Variants in COCH observed in about 807,000 individuals in gnomAD.
COCH encodes coagulation factor C homolog, cochlin (Limulus polyphemus).
A neutral mutation model predicts 54.8 loss-of-function variants in COCH; 40 were observed. The observed-to-expected ratio is 0.73, with a 90% CI of 0.57 to 0.95. The LOEUF (loss-of-function observed/expected upper bound fraction) is 0.95. Among genes scored for constraint, COCH ranks in the 40% least tolerant of loss-of-function variants. COCH has a pLI of 0.00. For missense variants in COCH, 605 were observed against 675.0 expected (o/e 0.90, Z 1.15); for synonymous variants, 256 against 237.9 (o/e 1.08, Z -0.70).
At chr14:30,893,436 G>A (rs1011626791), downstream of COCH, among the ~76,000 whole-genome samples, 1 of 152,090 alleles carries the variant, frequency 6.6e-6, no homozygotes, top group Non-Finnish European at 1.5e-5. Flanking sequence ...ATAGGCCTGA[G>A]CCACCGCGCC....
chr14:30,884,887 TTC>T (rs774836267), intron 9 of COCH: 1 of 1,574,446 alleles, frequency 6.4e-7, no homozygotes, highest in Non-Finnish European at 8.6e-7. Context: ...TGATTTAGAA[TTC>T]TCATACATTG....
rs754218343 is a variant in COCH at position 30,878,871 on chromosome 14, CTA to C, written c.302_303del (p.Tyr101PhefsTer15). On this transcript the variant is annotated frameshift_variant, in exon 5 of 12. Transcript: ENST00000396618. LOFTEE classifies it high-confidence loss of function. ...TCTATAGCCTACCTGGTCGAGAAAA[CTA>C]TTCCTCAGTAGATGCCAATGGCATC... is the stretch of plus-strand genomic sequence containing the variant. ...RVYSLPGREN[Y>X]SSVDANGIQS... is the part of the protein sequence containing the mutation. The C allele has an allele frequency of 1.2e-6, 2 of 1,614,164 alleles. No homozygotes were observed. Among genetic ancestry groups the C allele is most frequent in the East Asian group, 4.5e-5 (2 of 44,878 alleles).
At position 30,890,444 on chromosome 14, in the gene COCH, G is replaced by A; in HGVS notation, c.*653G>A. On this transcript the variant is annotated 3_prime_UTR_variant, in exon 12 of 12. Coordinates refer to ENST00000396618, the MANE Select transcript of COCH (RefSeq NM_004086.3). The stretch of plus-strand genomic sequence containing the variant: ...TCTATTTCTCTCCTTAATTTTATAT[G>A]TATATAGATATATTTGGCTTATATT... 1.0e-6 allele frequency: 1 copy of A among 954,512 alleles called. No individual in the cohort carries two copies. Among genetic ancestry groups the A allele is most frequent in the Non-Finnish European group, 1.2e-6 (1 of 801,854 alleles). 59.1% of individuals were successfully genotyped at this position (954,512 alleles called of 1,614,324 possible).
In COCH at chr14:30,885,512, A is replaced by G; in HGVS notation, c.852A>G (p.Glu284=). Residue 284 remains glutamate (E), a synonymous_variant, in exon 10 of 12, where the codon GAA becomes GAG. Transcript: ENST00000396618. ...IDGWPSDDIE[E]AGIVAREFGV... ...GTTGGCCTTCTGATGACATCGAGGA[A>G]GCAGGCATTGTGGCCAGAGAGTTTG... 1 of 1,613,636 alleles carries G rather than the reference A, an allele frequency of 6.2e-7. No homozygotes were observed. The highest frequency in any genetic ancestry group is 8.5e-7 in the Non-Finnish European group (1 of 1,179,488).
rs1280043021 is a variant in COCH at position 30,885,786 on chromosome 14, C to T, written c.961-10C>T. On this transcript the variant is annotated splice_polypyrimidine_tract_variant and intron_variant, in intron 10 of 11. Coordinates refer to ENST00000396618, the MANE Select transcript of COCH (RefSeq NM_004086.3). ...CCTTTTGGATATCTTTTATGTGTCT[C>T]CCCCATTAGGCTGTCTGTCGGAATA... 6 of 1,613,458 alleles carry T rather than the reference C, an allele frequency of 3.7e-6. No homozygotes were observed. Among genetic ancestry groups the T allele is most frequent in the Non-Finnish European group, 5.1e-6 (6 of 1,179,708 alleles).
intron 8 of COCH, 70 bp downstream of exon 8, chr14:30,880,804 A>G: frequency 1.8e-6 from 2 of 1,125,772 alleles, no homozygotes; most frequent in Admixed American, 3.4e-5. Context: ...ATAATTATAT[A>G]TACTTATGGG....
chr14:30,892,521 T>A (rs1285145120), downstream of COCH, among the ~76,000 whole-genome samples: 3 of 152,186 alleles, frequency 2.0e-5, no homozygotes. Context: ...AAAAACTTGC[T>A]GGGCACGGTG....
rs759845948 is a variant in COCH, at chr14:30,885,420, A to C, written c.760A>C (p.Lys254Gln). The C allele has an allele frequency of 9.9e-6, 16 of 1,614,172 alleles. No homozygotes were observed. The highest frequency in any genetic ancestry group is 1.4e-5 in the Non-Finnish European group (16 of 1,179,982). ...TGKALKHTAQ[K>Q]FFTVDAGVRK... ...AAAAGCCTTGAAGCATACTGCTCAG[A>C]AATTCTTCACGGTAGATGCTGGAGT... The change falls in exon 10 of 12, where the codon AAA becomes CAA. Residue 254 changes from lysine to glutamine, a missense_variant. By Grantham distance (53) the Lys-to-Gln change is moderately conservative. Coordinates refer to ENST00000396618, the MANE Select transcript of COCH (RefSeq NM_004086.3).
At chr14:30,879,279 T>C in intron 5 of COCH, 144 bp from the exon 6 acceptor site, 1 of 859,348 alleles carries the variant, frequency 1.2e-6, no homozygotes, top group Non-Finnish European at 1.9e-6. Flanking sequence ...TTTGGTTCTC[T>C]GAAACTAGCA....
intron 8 of COCH, 117 bp from the exon 9 acceptor site, chr14:30,884,436 G>A (rs998587434): frequency 2.6e-5 from 19 of 718,260 alleles, no homozygotes; most frequent in Non-Finnish European, 3.7e-5. Flanking sequence ...ATGTACTATG[G>A]AATTAAGAAA....
chr14:30,875,242 G>A, intron 3 of COCH, 139 bp downstream of exon 3: 2 of 1,226,122 alleles, frequency 1.6e-6, no homozygotes, highest in South Asian at 2.9e-5. Flanking sequence ...CCGCCGCGTG[G>A]CGCGCCCGCG....
At chr14:30,880,811 T>C (rs1257684487) in intron 8 of COCH, 77 bp downstream of exon 8, 3 of 1,069,470 alleles carry the variant, frequency 2.8e-6, no homozygotes, top group Non-Finnish European at 4.3e-6. Flanking sequence ...TATATACTTA[T>C]GGGGTACATA....
In COCH at chr14:30,885,005, A is replaced by G. The variant is rs183209337; in HGVS notation, c.733+349A>G. On this transcript the variant is annotated intron_variant, in intron 9 of 11. Coordinates refer to ENST00000396618, the MANE Select transcript of COCH (RefSeq NM_004086.3). ...TGCAGATGTGGCAGAAAGAATGAGT[A>G]GCACTACCGTTGACTCTGAAGAGAG... is the stretch of plus-strand genomic sequence containing the variant. 5.0e-6 allele frequency: 8 copies of G among 1,598,460 alleles called. No individual in the cohort carries two copies. In the East Asian group the frequency reaches 1.6e-4, roughly 31 times the overall value.
At position 30,880,440 on chromosome 14, in the gene COCH, C is replaced by A; in HGVS notation, c.437-12C>A. Reference sequence around the variant, plus strand: ...TTCCTTTTGTTAATGCCAAGTGCATCTTTTATTTCAGGTAAACGACTAAAG... The same window carrying A: ...TTCCTTTTGTTAATGCCAAGTGCATATTTTATTTCAGGTAAACGACTAAAG... On this transcript the variant is annotated splice_polypyrimidine_tract_variant and intron_variant, in intron 6 of 11. Transcript: ENST00000396618. 6.2e-7 allele frequency: 1 copy of A among 1,613,690 alleles called. No homozygotes were observed. The highest frequency in any genetic ancestry group is 1.1e-5 in the South Asian group (1 of 91,012).
rs1164402592 is a variant in COCH at position 30,877,523 on chromosome 14, C to A, written c.83-49C>A. The A allele has an allele frequency of 2.5e-6, 4 of 1,607,278 alleles. No homozygotes were observed. In the African/African-American group the frequency reaches 4.0e-5, roughly 16 times the overall value. ...ACACTGTAGTCTCCCCACCACTATGCCCCAAGAAGTCCTAAGAATGCTTAC... is the reference window on the plus strand; with the variant it reads ...ACACTGTAGTCTCCCCACCACTATGACCCAAGAAGTCCTAAGAATGCTTAC... On this transcript the variant is annotated intron_variant, in intron 3 of 11. Transcript: ENST00000396618. This position sits in a 1 kb window ranked among gnomAD's most constrained non-coding sequence, Gnocchi z 8.6.
Position 30,885,467 on chromosome 14 carries a change from G to A in COCH, c.807G>A (p.Val269=), listed in dbSNP as rs1223562584. Residue 269 remains valine (V), a synonymous_variant, in exon 10 of 12, where the codon GTG becomes GTA. Transcript: ENST00000396618. ...DAGVRKGIPK[V]VVVFIDGWPS... ...GAGTAAGAAAAGGGATCCCCAAAGT[G>A]GTGGTGGTATTTATTGATGGTTGGC... 1 of 1,613,712 alleles carries A rather than the reference G, an allele frequency of 6.2e-7. No individual in the cohort carries two copies. Among genetic ancestry groups the A allele is most frequent in the Non-Finnish European group, 8.5e-7 (1 of 1,179,724 alleles).
Position 30,877,732 on chromosome 14 carries a change from A to G in COCH, c.239+4A>G, listed in dbSNP as rs771835922. On this transcript the variant is annotated splice_donor_region_variant and intron_variant, in intron 4 of 11. Coordinates refer to ENST00000396618, the MANE Select transcript of COCH (RefSeq NM_004086.3). This position sits in a 1 kb window ranked among gnomAD's most constrained non-coding sequence, Gnocchi z 8.6. The stretch of plus-strand genomic sequence containing the variant: ...TATGTGGGGCTGCTGTCCACAGGTA[A>G]GCCCAAACACACCAGGGTGGGAGAG... 1.9e-6 allele frequency: 3 copies of G among 1,614,068 alleles called. No individual in the cohort carries two copies. Among genetic ancestry groups the G allele is most frequent in the South Asian group, 1.1e-5 (1 of 91,086 alleles).
Position 30,890,304 on chromosome 14 carries a change from A to T in COCH, c.*513A>T, listed in dbSNP as rs557399889. On this transcript the variant is annotated 3_prime_UTR_variant, in exon 12 of 12. Coordinates refer to ENST00000396618, the MANE Select transcript of COCH (RefSeq NM_004086.3). ...ATAGCTAGCTATTACTGCAGACTAT[A>T]AAATCTGGATATAGAAAGGAGACCT... 1.0e-6 allele frequency: 1 copy of T among 985,736 alleles called. No individual in the cohort carries two copies. The highest frequency in any genetic ancestry group is 4.7e-5 in the South Asian group (1 of 21,300). The allele number at this position is 985,736 out of a possible 1,614,324, so 61.1% of individuals were successfully genotyped here.
At position 30,877,671 on chromosome 14, in the gene COCH, T is replaced by C. The variant is rs1355722059; in HGVS notation, c.182T>C (p.Val61Ala). 2 of 1,614,120 alleles carry C rather than the reference T, an allele frequency of 1.2e-6. No individual in the cohort carries two copies. The highest frequency in any genetic ancestry group is 1.7e-5 in the Admixed American group (1 of 60,010). The change falls in exon 4 of 12, where the codon GTG becomes GCG. Residue 61 changes from valine (V) to alanine (A), a missense_variant. Physicochemically the swap from Val to Ala is moderately conservative, Grantham distance 64 (BLOSUM62 0). Coordinates refer to ENST00000396618, the MANE Select transcript of COCH (RefSeq NM_004086.3). The surrounding 1 kb of genome is among the most constrained non-coding windows in gnomAD (Gnocchi z 8.6). ...GGCTGCCCTCTTGAGGAATTCTCTG[T>C]GTATGGGAACATAGTATATGCTTCT... is the stretch of plus-strand genomic sequence containing the variant. ...PGGCPLEEFS[V>A]YGNIVYASVS...
Sources: allele counts gnomAD v4.1 joint callset (sites outside exome capture counted in the v4.1 genomes callset), GRCh38; gene constraint gnomAD v4.1.1; non-coding constraint Gnocchi (gnomAD v3.1); transcripts MANE v1.5; gene names NCBI Gene and HGNC (gene_info 2026-07-23, HGNC 2026-07-21).